Variants in CHRNA7 observed in about 807,000 individuals in gnomAD.
CHRNA7 encodes neuronal acetylcholine receptor subunit alpha-7.
CHRNA7 carries 17 observed loss-of-function variants against 48.0 expected under a neutral mutation model. The ratio of observed to expected loss-of-function variants is 0.35; its 90% confidence interval spans 0.24 to 0.53. CHRNA7 has a LOEUF of 0.53. Among genes scored for constraint, CHRNA7 ranks in the 20% least tolerant of loss-of-function variants. CHRNA7 has a pLI of 0.92. For synonymous variants in CHRNA7, 75 were observed against 242.3 expected, an observed-to-expected ratio of 0.31 and a Z score of 6.41; for missense variants, 155 against 577.7, an observed-to-expected ratio of 0.27 and a Z score of 7.50.
chr15:32,101,255 T>G, intron 2 of CHRNA7, 48 bp from the exon 3 acceptor site: 2 of 1,577,042 alleles, frequency 1.3e-6, no homozygotes, highest in South Asian at 2.4e-5. Flanking sequence ...CATTCTTTCT[T>G]TTGTAAACCA....
chr15:32,089,808 TA>T (rs1479419386), intron 2 of CHRNA7, among the ~76,000 whole-genome samples: 1 of 152,220 alleles, frequency 6.6e-6, no homozygotes, highest in Non-Finnish European at 1.5e-5. Context: ...TTTAGATAAG[TA>T]GCTTTTTAGT....
At chr15:32,150,747 G>A (rs939559431) in intron 4 of CHRNA7, among the ~76,000 whole-genome samples, 6 of 152,124 alleles carry the variant, frequency 3.9e-5, no homozygotes, top group South Asian at 4.1e-4. Context: ...GGGTCTCAGG[G>A]CTCCAGAGAA....
chr15:32,091,029 G>C (rs551418123), intron 2 of CHRNA7, among the ~76,000 whole-genome samples: 1 of 152,130 alleles, frequency 6.6e-6, no homozygotes, highest in South Asian at 2.1e-4. Context: ...CCCACCCATT[G>C]AGCTTTTATT....
Position 32,037,655 on chromosome 15 carries a change from TA to T in CHRNA7, c.195+6620del, listed in dbSNP as rs923518299. On this transcript the variant is annotated intron_variant, in intron 2 of 9. Coordinates refer to ENST00000306901, the MANE Select transcript of CHRNA7 (RefSeq NM_000746.6). The stretch of plus-strand genomic sequence containing the variant: ...TTTACTTGATTTTTACCTAAGTGCT[TA>T]ATTTTTGAGGGGTTAAATGGTATTA... Among the ~76,000 whole-genome samples, 11 of 152,312 alleles carry T rather than the reference TA, an allele frequency of 7.2e-5. No individual in the cohort carries two copies. In the Middle Eastern group the frequency reaches 0.01, roughly 141 times the overall value.
chr15:32,074,637 A>ATATTATTAT (rs113812797), intron 2 of CHRNA7, among the ~76,000 whole-genome samples: 3,913 of 141,722 alleles, frequency 0.028, 63 homozygotes, highest in Middle Eastern at 0.061. Context: ...CACATTATTA[A>ATATTATTAT]TATTATTATT....
intron 4 of CHRNA7, among the ~76,000 whole-genome samples, chr15:32,129,912 A>G (rs2051127563): frequency 6.6e-6 from 1 of 151,902 alleles, no homozygotes; most frequent in Admixed American, 6.6e-5. Flanking sequence ...ATTTTTATTC[A>G]GTTCAGTGTA....
intron 4 of CHRNA7, among the ~76,000 whole-genome samples, chr15:32,118,899 C>G (rs1355521060): frequency 1.3e-5 from 2 of 151,498 alleles, no homozygotes; most frequent in African/African-American, 4.9e-5. Flanking sequence ...GGAACAGGCC[C>G]TGTGATATCA....
At chr15:32,061,516 A>C (rs1468329609) in intron 2 of CHRNA7, among the ~76,000 whole-genome samples, 1 of 152,212 alleles carries the variant, frequency 6.6e-6, no homozygotes, top group Non-Finnish European at 1.5e-5. Context: ...AACATTTAAA[A>C]ATGAGATAAG....
intron 3 of CHRNA7, among the ~76,000 whole-genome samples, chr15:32,104,965 CA>C (rs1229924738): frequency 6.6e-6 from 1 of 152,166 alleles, no homozygotes; most frequent in Non-Finnish European, 1.5e-5. Context: ...TGGTCTTCAG[CA>C]ATGTATATGA....
chr15:32,116,311 A>G (rs1055231530), intron 4 of CHRNA7, among the ~76,000 whole-genome samples: 2 of 152,164 alleles, frequency 1.3e-5, no homozygotes, highest in African/African-American at 2.4e-5. Flanking sequence ...TGCATTTTCC[A>G]TGCTTTAAAG....
intron 2 of CHRNA7, among the ~76,000 whole-genome samples, chr15:32,032,196 C>T (rs946244970): frequency 2.6e-5 from 4 of 152,166 alleles, no homozygotes; most frequent in African/African-American, 9.7e-5. Context: ...CAGAATCATG[C>T]TTTAAAATAT....
chr15:32,070,562 A>AT (rs1314339477), intron 2 of CHRNA7, among the ~76,000 whole-genome samples: 1 of 146,708 alleles, frequency 6.8e-6, no homozygotes, highest in Non-Finnish European at 1.5e-5. Context: ...GACCCTGAAG[A>AT]TTTTTTCCTA....
At chr15:32,106,222 G>A (rs1241999257) in intron 3 of CHRNA7, among the ~76,000 whole-genome samples, 1 of 152,198 alleles carries the variant, frequency 6.6e-6, no homozygotes, top group African/African-American at 2.4e-5. Flanking sequence ...GGGGCAGAGA[G>A]CCATAAAAAC....
chr15:32,114,510 C>T (rs548879920), intron 4 of CHRNA7, among the ~76,000 whole-genome samples: 1 of 152,306 alleles, frequency 6.6e-6, no homozygotes, highest in Admixed American at 6.5e-5. Flanking sequence ...ACATAGACCA[C>T]GTCCGCCAGG....
At chr15:32,077,379 A>T (rs1371538225) in intron 2 of CHRNA7, among the ~76,000 whole-genome samples, 1 of 152,176 alleles carries the variant, frequency 6.6e-6, no homozygotes, top group Non-Finnish European at 1.5e-5. Context: ...CTAGACTGTC[A>T]TTCCAAGTGC....
chr15:32,075,263 G>A (rs184692112), intron 2 of CHRNA7, among the ~76,000 whole-genome samples: 12 of 152,292 alleles, frequency 7.9e-5, no homozygotes, highest in African/African-American at 2.4e-4. Context: ...AATTGTGGAA[G>A]CAATGGTGTA....
intron 2 of CHRNA7, among the ~76,000 whole-genome samples, chr15:32,045,887 C>G (rs915008011): frequency 6.4e-5 from 9 of 141,554 alleles, no homozygotes; most frequent in African/African-American, 1.0e-4. Context: ...TCTCATTGTT[C>G]AATTCCCATC....
chr15:32,117,135 G>A (rs2050886460), intron 4 of CHRNA7, among the ~76,000 whole-genome samples: 1 of 152,190 alleles, frequency 6.6e-6, no homozygotes, highest in Non-Finnish European at 1.5e-5. Flanking sequence ...GGGAGGGGGA[G>A]TGAGATAGGG....
intron 4 of CHRNA7, among the ~76,000 whole-genome samples, chr15:32,140,457 A>T (rs1203303498): frequency 6.6e-6 from 1 of 152,230 alleles, no homozygotes; most frequent in Non-Finnish European, 1.5e-5. Context: ...TTGCTGGGTC[A>T]AATGGTATTT....
Sources: allele counts gnomAD v4.1 joint callset (sites outside exome capture counted in the v4.1 genomes callset), GRCh38; gene constraint gnomAD v4.1.1; transcripts MANE v1.5; gene names NCBI Gene and HGNC (gene_info 2026-07-23, HGNC 2026-07-21).